Variants in LHPP observed in about 807,000 individuals in gnomAD.
LHPP encodes the protein phospholysine phosphohistidine inorganic pyrophosphate phosphatase.
A neutral mutation model predicts 30.3 loss-of-function variants in LHPP; 24 were observed. The observed-to-expected ratio is 0.79, with a 90% CI of 0.57 to 1.11. LHPP has a LOEUF of 1.11. Ranked by LOEUF, LHPP falls within the 50% of genes most tolerant of loss-of-function variation. LHPP has a pLI of 0.00. For missense variants in LHPP, 356 were observed against 367.2 expected, an observed-to-expected ratio of 0.97 and a Z score of 0.25; for synonymous variants, 150 against 157.1, an observed-to-expected ratio of 0.95 and a Z score of 0.34.
chr10:124,556,619 T>A, intron 6 of LHPP, among the ~76,000 whole-genome samples: 1 of 152,214 alleles, frequency 6.6e-6, no homozygotes, highest in East Asian at 1.9e-4. Context: ...CCTCCAGACA[T>A]CAAGTTGCTC....
chr10:124,606,746 A>T (rs867965680), intron 6 of LHPP, among the ~76,000 whole-genome samples: 4 of 152,128 alleles, frequency 2.6e-5, no homozygotes, highest in Non-Finnish European at 5.9e-5. Context: ...GGGGAGGAGC[A>T]GCGCTGTGAC....
intron 6 of LHPP, among the ~76,000 whole-genome samples, chr10:124,606,862 T>G (rs1028650546): frequency 5.9e-5 from 9 of 152,162 alleles, no homozygotes; most frequent in African/African-American, 2.2e-4. Context: ...CCCCAGCCCT[T>G]CCCTGCCTGT....
chr10:124,569,465 G>A (rs10794150), intron 6 of LHPP, among the ~76,000 whole-genome samples: 35,163 of 152,064 alleles, frequency 0.23, 4,930 homozygotes, highest in East Asian at 0.31. Context: ...GTTCTGTCGC[G>A]GAAAGTCTGA....
intron 6 of LHPP, among the ~76,000 whole-genome samples, chr10:124,552,429 A>ACAG (rs928169095): frequency 8.6e-5 from 13 of 151,926 alleles, no homozygotes; most frequent in African/African-American, 2.7e-4. Flanking sequence ...GGAATCCCCC[A>ACAG]CAGCAGATCC....
intron 6 of LHPP, among the ~76,000 whole-genome samples, chr10:124,604,307 G>T (rs929857316): frequency 2.0e-5 from 3 of 152,200 alleles, no homozygotes; most frequent in African/African-American, 7.2e-5. Context: ...CCCAGCTCAG[G>T]CCAGGTCACG....
intron 1 of LHPP, among the ~76,000 whole-genome samples, chr10:124,477,650 T>C (rs1027812014): frequency 1.3e-5 from 2 of 152,120 alleles, no homozygotes; most frequent in African/African-American, 4.8e-5. Context: ...GGGTACTGGG[T>C]ACTGTGCCCG....
chr10:124,610,929 A>T (rs1159417367), intron 6 of LHPP, among the ~76,000 whole-genome samples: 1 of 53,176 alleles, frequency 1.9e-5, no homozygotes, highest in Non-Finnish European at 3.9e-5. Context: ...GGAGCGGGCG[A>T]GGGTGAGGGT....
At chr10:124,489,698 C>T (rs4962627) in intron 3 of LHPP, 124,284 of 155,640 alleles carry the variant, frequency 0.8, 50,359 homozygotes, top group East Asian at 0.92. Flanking sequence ...GTGATCCGCC[C>T]GCCTTGGCCT....
chr10:124,491,750 C>A (rs9422841), intron 3 of LHPP, among the ~76,000 whole-genome samples: 4,578 of 151,288 alleles, frequency 0.03, 172 homozygotes, highest in East Asian at 0.16. Flanking sequence ...CATGGTGAAA[C>A]CCTGTCTCTA....
chr10:124,525,705 T>G (rs1352828407), intron 6 of LHPP, among the ~76,000 whole-genome samples: 2 of 152,182 alleles, frequency 1.3e-5, no homozygotes, highest in Admixed American at 6.5e-5. Flanking sequence ...CAGCATCAGC[T>G]TCCTCCTCTG....
intron 6 of LHPP, among the ~76,000 whole-genome samples, chr10:124,532,896 G>C (rs17621431): frequency 0.013 from 1,965 of 152,326 alleles, 22 homozygotes; most frequent in Non-Finnish European, 0.021. Flanking sequence ...GGGATGTTCA[G>C]GTGCTCGACT....
Position 124,541,284 on chromosome 10 carries a change from T to C in LHPP, c.716+24013T>C, listed in dbSNP as rs1160163370. Among the ~76,000 whole-genome samples, 1 of 152,218 alleles carries C rather than the reference T, an allele frequency of 6.6e-6. No individual in the cohort carries two copies. The highest frequency in any genetic ancestry group is 2.4e-5 in the African/African-American group (1 of 41,460). On this transcript the variant is annotated intron_variant, in intron 6 of 6. Transcript: ENST00000368842. This position sits in a 1 kb window ranked among gnomAD's most constrained non-coding sequence, Gnocchi z 4.2. ...GCCTGCAGTACCAGGATAGACAATT[T>C]GGGCTGGAGCCAAACTTGATCAGAG...
intron 6 of LHPP, among the ~76,000 whole-genome samples, chr10:124,533,790 C>A (rs1182105391): frequency 1.3e-5 from 2 of 152,238 alleles, no homozygotes; most frequent in Non-Finnish European, 2.9e-5. Flanking sequence ...GACCATGTGG[C>A]CTGAAGGGTC....
chr10:124,566,205 G>C (rs976905582), intron 6 of LHPP, among the ~76,000 whole-genome samples: 1 of 152,244 alleles, frequency 6.6e-6, no homozygotes, highest in African/African-American at 2.4e-5. Context: ...GAGACCGGGC[G>C]TGTGGTTATG....
At chr10:124,579,886 CA>C (rs35318739) in intron 6 of LHPP, among the ~76,000 whole-genome samples, 37,000 of 152,008 alleles carry the variant, frequency 0.24, 4,702 homozygotes, top group East Asian at 0.36. Context: ...CTGTCCCCTC[CA>C]GCAGTAGGAA....
At chr10:124,493,092 TAGTC>T (rs1953581531) in intron 3 of LHPP, among the ~76,000 whole-genome samples, 2 of 145,956 alleles carry the variant, frequency 1.4e-5, no homozygotes, top group Admixed American at 1.4e-4. Context: ...TGGATAATAA[TAGTC>T]AGAACAGGTA....
At chr10:124,495,652 G>A (rs570434302) in intron 3 of LHPP, among the ~76,000 whole-genome samples, 1 of 152,148 alleles carries the variant, frequency 6.6e-6, no homozygotes, top group Admixed American at 6.5e-5. Context: ...TCACACCCCA[G>A]GTGGTCACAG....
chr10:124,523,730 C>G lies in LHPP; in HGVS notation c.716+6459C>G, dbSNP rs1467720404. Among the ~76,000 whole-genome samples the G allele has an allele frequency of 6.6e-6, 1 of 152,168 alleles. No homozygotes were observed. On this transcript the variant is annotated intron_variant, in intron 6 of 6. Coordinates refer to ENST00000368842, the MANE Select transcript of LHPP (RefSeq NM_022126.4). The surrounding 1 kb of genome is among the most constrained non-coding windows in gnomAD (Gnocchi z 4.2). ...CTGCTGCCCTCCTGTGTAAACAGAC[C>G]AGCCAGGGCAATCCGAGCCAGCCCC...
chr10:124,565,926 G>T (rs1238379433), intron 6 of LHPP, among the ~76,000 whole-genome samples: 1 of 152,250 alleles, frequency 6.6e-6, no homozygotes, highest in Non-Finnish European at 1.5e-5. Context: ...GACACCCTCA[G>T]AAACTGGAGA....
Sources: gnomAD v4.1 joint callset for allele counts (sites outside exome capture counted in the v4.1 genomes callset) on GRCh38, gnomAD v4.1.1 for gene constraint, Gnocchi (gnomAD v3.1) non-coding constraint, MANE v1.5 for transcripts, NCBI Gene and HGNC (gene_info 2026-07-23, HGNC 2026-07-21) for gene names.